The following DAB1 variants were observed in gnomAD, a reference collection of about 807,000 sequenced individuals.
The protein encoded by DAB1 is disabled homolog 1.
DAB1 carries 15 observed loss-of-function variants against 64.6 expected under a neutral mutation model. That is an observed-to-expected ratio of 0.23 (90% confidence interval 0.16 to 0.36). DAB1 has a LOEUF of 0.36. Ranked by LOEUF, DAB1 falls within the 10% of genes least tolerant of loss-of-function variation. DAB1 has a pLI of 1.00. For missense variants in DAB1, 596 were observed against 706.7 expected (o/e 0.84, Z 1.78); for synonymous variants, 235 against 251.9 (o/e 0.93, Z 0.64).
intron 7 of DAB1, among the ~76,000 whole-genome samples, chr1:57,435,565 G>A (rs1453695349): frequency 8.6e-5 from 13 of 151,700 alleles, no homozygotes; most frequent in Non-Finnish European, 1.9e-4. Flanking sequence ...AAACTTGTTT[G>A]TTAAAAACAA....
At chr1:57,146,970 G>T (rs1446823812) in intron 2 of DAB1, among the ~76,000 whole-genome samples, 1 of 151,906 alleles carries the variant, frequency 6.6e-6, no homozygotes, top group African/African-American at 2.4e-5. Flanking sequence ...CAGTGAGATA[G>T]TATGTGTGAA....
At chr1:58,371,821 C>T (rs1167195673) in intron 3 of DAB1, among the ~76,000 whole-genome samples, 1 of 152,216 alleles carries the variant, frequency 6.6e-6, no homozygotes, top group Non-Finnish European at 1.5e-5. Context: ...AAGCTCCAAG[C>T]ACTGCCAGCT....
At chr1:58,428,244 T>C (rs1199286568) in intron 3 of DAB1, among the ~76,000 whole-genome samples, 1 of 152,184 alleles carries the variant, frequency 6.6e-6, no homozygotes, top group African/African-American at 2.4e-5. Flanking sequence ...ACATAGTGTG[T>C]TTCCCATCAG....
intron 5 of DAB1, among the ~76,000 whole-genome samples, chr1:58,010,880 G>A (rs1314546461): frequency 6.6e-6 from 1 of 152,228 alleles, no homozygotes; most frequent in African/African-American, 2.4e-5. Flanking sequence ...CAGGCAACCA[G>A]TACCAACTGA....
intron 2 of DAB1, among the ~76,000 whole-genome samples, chr1:57,209,398 G>C (rs1471047327): frequency 1.3e-5 from 2 of 152,202 alleles, no homozygotes; most frequent in African/African-American, 4.8e-5. Context: ...GGGGAAGTCT[G>C]TTCTTCACGT....
chr1:57,171,467 AAG>A (rs536499154), intron 2 of DAB1, among the ~76,000 whole-genome samples: 1 of 152,086 alleles, frequency 6.6e-6, no homozygotes, highest in South Asian at 2.1e-4. Context: ...CCTAGAAGAA[AAG>A]AGTTCCTCTT....
intron 2 of DAB1, among the ~76,000 whole-genome samples, chr1:57,267,990 A>G (rs1424267948): frequency 6.6e-6 from 1 of 152,216 alleles, no homozygotes; most frequent in Non-Finnish European, 1.5e-5. Context: ...TATAATTCCA[A>G]GAAGCTGAAG....
chr1:57,447,971 G>T (rs550637658), intron 7 of DAB1, among the ~76,000 whole-genome samples: 1 of 152,288 alleles, frequency 6.6e-6, no homozygotes, highest in East Asian at 1.9e-4. Flanking sequence ...ATCCTGGAAT[G>T]AGGCAGGCAA....
chr1:58,460,905 A>G (rs1270419781), intron 3 of DAB1, among the ~76,000 whole-genome samples: 1 of 152,234 alleles, frequency 6.6e-6, no homozygotes, highest in Non-Finnish European at 1.5e-5. Flanking sequence ...CCCATGGTGC[A>G]GAGGAGCCAC....
At chr1:57,485,481 AC>A (rs1216501028) in intron 7 of DAB1, among the ~76,000 whole-genome samples, 2 of 152,306 alleles carry the variant, frequency 1.3e-5, no homozygotes, top group African/African-American at 4.8e-5. Context: ...ATCAGGGAAT[AC>A]AGAATAAATG....
intron 4 of DAB1, among the ~76,000 whole-genome samples, chr1:58,268,188 T>C (rs1246773117): frequency 1.3e-5 from 2 of 152,196 alleles, no homozygotes; most frequent in Non-Finnish European, 2.9e-5. Flanking sequence ...AAAAAATTAT[T>C]CTTTTATAGC....
chr1:58,187,945 T>C (rs1657179034), intron 4 of DAB1, among the ~76,000 whole-genome samples: 2 of 139,562 alleles, frequency 1.4e-5, no homozygotes, highest in Non-Finnish European at 3.1e-5. Context: ...GTCTCGCTCT[T>C]ACACCCAGGC....
At chr1:58,007,996 T>A (rs1473512893) in intron 5 of DAB1, among the ~76,000 whole-genome samples, 2 of 152,304 alleles carry the variant, frequency 1.3e-5, no homozygotes. Flanking sequence ...TGTATGGGAC[T>A]TAGGCATGTG....
At chr1:58,140,194 T>C (rs1654199807) in intron 5 of DAB1, among the ~76,000 whole-genome samples, 1 of 152,226 alleles carries the variant, frequency 6.6e-6, no homozygotes, top group Admixed American at 6.5e-5. Flanking sequence ...CATTGTTTGG[T>C]TAAGATGCTA....
chr1:57,599,565 C>T (rs918663304), intron 7 of DAB1, among the ~76,000 whole-genome samples: 3 of 152,054 alleles, frequency 2.0e-5, no homozygotes, highest in African/African-American at 7.2e-5. Context: ...TACTGCTGAG[C>T]CTCAGTTTTC....
chr1:58,006,707 T>C (rs765929089), intron 5 of DAB1, among the ~76,000 whole-genome samples: 1 of 152,110 alleles, frequency 6.6e-6, no homozygotes, highest in African/African-American at 2.4e-5. Flanking sequence ...TCCTGCCCAG[T>C]GAATTCTGAA....
intron 6 of DAB1, among the ~76,000 whole-genome samples, chr1:57,655,285 C>T (rs567102586): frequency 6.6e-6 from 1 of 152,176 alleles, no homozygotes; most frequent in African/African-American, 2.4e-5. Flanking sequence ...ATCTATCCAA[C>T]CACTCATCAT....
At chr1:57,763,870 A>G (rs1649193787) in intron 6 of DAB1, among the ~76,000 whole-genome samples, 2 of 152,156 alleles carry the variant, frequency 1.3e-5, no homozygotes, top group Non-Finnish European at 2.9e-5. Flanking sequence ...GTTTCCATAA[A>G]GTCCTGAGTG....
intron 4 of DAB1, among the ~76,000 whole-genome samples, chr1:58,202,397 G>C (rs1404128254): frequency 1.3e-5 from 2 of 152,168 alleles, no homozygotes; most frequent in South Asian, 4.1e-4. Flanking sequence ...GCAAGATAAA[G>C]TGCCAAGGTC....
Sources: gnomAD v4.1 joint callset for allele counts (sites outside exome capture counted in the v4.1 genomes callset) on GRCh38, gnomAD v4.1.1 for gene constraint, MANE v1.5 for transcripts, NCBI Gene and HGNC (gene_info 2026-07-23, HGNC 2026-07-21) for gene names.